MADD: variants seen among roughly 807,000 people sequenced by gnomAD.
The protein encoded by MADD is MAP kinase-activating death domain protein.
In MADD, 109 loss-of-function variants were observed where a neutral mutation model predicts 176.7. The observed-to-expected ratio is 0.62, with a 90% CI of 0.53 to 0.72. The LOEUF (loss-of-function observed/expected upper bound fraction) is 0.72. Ranked by LOEUF, MADD falls within the 30% of genes least tolerant of loss-of-function variation. The probability of loss-of-function intolerance (pLI) is 0.00; values close to 1 mark genes in which losing one functional copy is unlikely to be tolerated. For synonymous variants in MADD, 771 were observed against 771.3 expected (o/e 1.00, Z 0.01); for missense variants, 1,914 against 2,045.5 (o/e 0.94, Z 1.24).
chr11:47,288,358 C>G (rs2062375230), intron 15 of MADD, among the ~76,000 whole-genome samples: 1 of 152,148 alleles, frequency 6.6e-6, no homozygotes, highest in African/African-American at 2.4e-5. Flanking sequence ...AGGATGGGAA[C>G]ATTGGATAAA....
At chr11:47,302,460 C>T (rs2140137980) in intron 22 of MADD, among the ~76,000 whole-genome samples, 1 of 152,332 alleles carries the variant, frequency 6.6e-6, no homozygotes, top group Middle Eastern at 3.4e-3. Context: ...GATCTGCCCG[C>T]TTCGGCCTCC....
rs527582220 is a variant in MADD, at chr11:47,282,885, G to A, written c.1778G>A (p.Arg593His). 3.8e-5 allele frequency: 61 copies of A among 1,614,014 alleles called. No individual in the cohort carries two copies. The highest frequency in any genetic ancestry group is 2.3e-4 in the South Asian group (21 of 91,086). The change falls in exon 10 of 33, where the codon CGC becomes CAC. Residue 593 changes from arginine to histidine, a missense_variant. By Grantham distance (29) the Arg-to-His change is conservative. This residue lies in a region of MADD where 1,767 missense variants were observed against 1,836.0 expected (regional missense o/e 0.96). Coordinates refer to ENST00000402192, the Ensembl canonical transcript of MADD. The stretch of plus-strand genomic sequence containing the variant: ...CATCAGCTGCAGCCTATCCACTATC[G>A]CGTCTATGACAGCAATTCCCAGCTG...
rs2095268473 is a variant in MADD at position 47,325,041 on chromosome 11, C to G, written c.4542+464C>G. 2.2e-6 allele frequency: 1 copy of G among 454,238 alleles called. No homozygotes were observed. The highest frequency in any genetic ancestry group is 2.0e-5 in the African/African-American group (1 of 50,856). The allele number at this position is 454,238 out of a possible 1,614,324, so 28.1% of individuals were successfully genotyped here. A position where few individuals can be genotyped will look rare whatever the true frequency, so the allele number is the denominator to read the frequency against. On this transcript the variant is annotated intron_variant, in intron 30 of 32. Coordinates refer to ENST00000402192, the Ensembl canonical transcript of MADD. The surrounding 1 kb of genome is among the most constrained non-coding windows in gnomAD (Gnocchi z 4.5). ...TGCCTGCGTGCTTGTGTGTAAGTAG[C>G]TTGTATCTGTCCTCTCTGGAGTGTG...
intron 15 of MADD, among the ~76,000 whole-genome samples, chr11:47,287,606 C>T (rs765166101): frequency 5.3e-5 from 8 of 151,960 alleles, no homozygotes; most frequent in Admixed American, 2.0e-4. Context: ...GACGGGGTTT[C>T]ACCATGTTGG....
chr11:47,320,403 C>G (rs1378715636), intron 27 of MADD, among the ~76,000 whole-genome samples: 1 of 151,318 alleles, frequency 6.6e-6, no homozygotes, highest in Non-Finnish European at 1.5e-5. Flanking sequence ...TGCAGTGAGC[C>G]GAGATTGCAC....
chr11:47,289,808 G>A, intron 16 of MADD, 59 bp from the exon 18 acceptor site: 3 of 1,581,724 alleles, frequency 1.9e-6, no homozygotes, highest in South Asian at 2.2e-5. Context: ...CTGGGTGAAA[G>A]GTGGGGGGTG....
At chr11:47,290,887 C>A in intron 19 of MADD, 71 bp downstream of exon 20, 1 of 1,250,528 alleles carries the variant, frequency 8.0e-7, no homozygotes, top group Non-Finnish European at 1.1e-6. Flanking sequence ...CTCAATTCAT[C>A]CAGAATCCTG....
chr11:47,279,381 C>CTTTTTTTTTTTTTTTTTTTTGTTTT (rs34428529), intron 7 of MADD, among the ~76,000 whole-genome samples: 1 of 116,820 alleles, frequency 8.6e-6, no homozygotes, highest in Non-Finnish European at 1.7e-5. Context: ...TTTTCTCAGT[C>CTTTTTTTTTTTTTTTTTTTTGTTTT]TTTTTTTTTT....
rs777727685 is a variant in MADD, at chr11:47,274,829, G to A, written c.329G>A (p.Gly110Glu). 1.3e-5 allele frequency: 21 copies of A among 1,614,200 alleles called. No individual in the cohort carries two copies. The South Asian group carries it at 2.1e-4, about 16-fold the overall frequency. ...CAAAAGCGAATCTCTAAGGAGAAGG[G>A]GGAAGGTGGGGCAGGGTCCCGTGGG... The change falls in exon 3 of 33, where the codon GGG (glycine) becomes GAG (glutamate). Residue 110 changes from glycine (G) to glutamate (E), a missense_variant. Around this residue, in one of 2 missense-constraint regions of MADD, gnomAD observed 1,767 missense variants for 1,836.0 expected, o/e 0.96. Coordinates refer to ENST00000402192, the Ensembl canonical transcript of MADD.
rs1474558077 is a variant in MADD, at chr11:47,323,550, G to A, written c.4198-121G>A. Reference sequence around the variant, plus strand: ...TTGTGTCTTCACCTAGGGAAACCATGAGCGTAAGGCAGAAAACCTGACCAT... The same window carrying A: ...TTGTGTCTTCACCTAGGGAAACCATAAGCGTAAGGCAGAAAACCTGACCAT... On this transcript the variant is annotated intron_variant, in intron 27 of 32. Transcript: ENST00000402192. 5 of 937,392 alleles carry A rather than the reference G, an allele frequency of 5.3e-6. No individual in the cohort carries two copies. In the East Asian group the frequency reaches 1.2e-4, roughly 23 times the overall value. 58.1% of individuals were successfully genotyped at this position (937,392 alleles called of 1,614,324 possible).
intron 30 of MADD, 59 bp from the exon 34 acceptor site, chr11:47,326,485 G>A: frequency 4.6e-6 from 6 of 1,300,776 alleles, no homozygotes; most frequent in Non-Finnish European, 5.9e-6. Context: ...CCTTCGGGTT[G>A]GGTTTGACCA....
At chr11:47,313,972 C>T (rs2141179710) in intron 26 of MADD, among the ~76,000 whole-genome samples, 1 of 152,082 alleles carries the variant, frequency 6.6e-6, no homozygotes. Flanking sequence ...GCTGGTCAGG[C>T]TGGTCTCCAA....
At chr11:47,284,135 C>T (rs1300856768) in intron 10 of MADD, 43 bp from the exon 11 acceptor site, 5 of 1,323,818 alleles carry the variant, frequency 3.8e-6, no homozygotes, top group Admixed American at 1.7e-5. Flanking sequence ...GTTCTCCCTG[C>T]CCCTTTCTGT....
intron 19 of MADD, among the ~76,000 whole-genome samples, chr11:47,293,111 G>C (rs1399244339): frequency 6.6e-6 from 1 of 152,076 alleles, no homozygotes; most frequent in African/African-American, 2.4e-5. Context: ...TTGTAGGATG[G>C]AGGTAGGCAG....
At chr11:47,316,423 C>T (rs1378478408) in intron 27 of MADD, among the ~76,000 whole-genome samples, 5 of 132,900 alleles carry the variant, frequency 3.8e-5, no homozygotes, top group Admixed American at 1.8e-4. Context: ...GAGTCTCACT[C>T]TGTCGCCCAG....
chr11:47,307,868 C>T (rs2084321111), intron 22 of MADD, among the ~76,000 whole-genome samples: 1 of 152,186 alleles, frequency 6.6e-6, no homozygotes, highest in Admixed American at 6.6e-5. Flanking sequence ...CAGGGTTTCA[C>T]CATGTTAGCC....
At chr11:47,282,360 T>C in intron 8 of MADD, 21 bp from the exon 9 acceptor site, 1 of 1,604,458 alleles carries the variant, frequency 6.2e-7, no homozygotes, top group Non-Finnish European at 8.5e-7. Context: ...TCTCAGATTA[T>C]CTCATCATCT....
intron 27 of MADD, among the ~76,000 whole-genome samples, chr11:47,321,642 C>G (rs1034195801): frequency 1.3e-5 from 2 of 152,120 alleles, no homozygotes; most frequent in African/African-American, 4.8e-5. Context: ...TGGACAACTC[C>G]TTTGAGAAGT....
intron 27 of MADD, among the ~76,000 whole-genome samples, chr11:47,317,079 T>C (rs1361350868): frequency 6.6e-6 from 1 of 152,230 alleles, no homozygotes; most frequent in Non-Finnish European, 1.5e-5. Context: ...ATAGCACATC[T>C]TATCCATTGC....
Sources: allele counts gnomAD v4.1 joint callset (sites outside exome capture counted in the v4.1 genomes callset), GRCh38; gene constraint gnomAD v4.1.1; regional missense constraint gnomAD v4.1.1; non-coding constraint Gnocchi (gnomAD v3.1); transcripts MANE v1.5; gene names NCBI Gene and HGNC (gene_info 2026-07-23, HGNC 2026-07-21).